The following MIER1 variants were observed in gnomAD, a reference collection of about 807,000 sequenced individuals.
The protein encoded by MIER1 is mesoderm induction early response protein 1.
MIER1 carries 40 observed loss-of-function variants against 75.7 expected under a neutral mutation model. The observed-to-expected ratio is 0.53, with a 90% CI of 0.41 to 0.69. The LOEUF is 0.69. Among genes scored for constraint, MIER1 ranks in the 30% least tolerant of loss-of-function variants. MIER1 has a pLI of 0.00. For missense variants in MIER1, 574 were observed against 680.2 expected, an observed-to-expected ratio of 0.84 and a Z score of 1.74; for synonymous variants, 213 against 223.4, an observed-to-expected ratio of 0.95 and a Z score of 0.42.
At chr1:66,940,149 C>T in intron 3 of MIER1, 97 bp downstream of exon 3, 1 of 857,042 alleles carries the variant, frequency 1.2e-6, no homozygotes, top group Non-Finnish European at 1.9e-6. Flanking sequence ...ATCTGACTTG[C>T]TTTTCTTCTG....
chr1:66,973,101 A>C (rs745977822), intron 11 of MIER1, 110 bp downstream of exon 11: 36 of 611,654 alleles, frequency 5.9e-5, no homozygotes, highest in Non-Finnish European at 8.5e-5. Context: ...CATAATTAAT[A>C]TGACAATATT....
intron 6 of MIER1, among the ~76,000 whole-genome samples, 163 bp from the exon 7 acceptor site, chr1:66,959,516 T>C (rs1048129148): frequency 6.6e-6 from 1 of 152,158 alleles, no homozygotes; most frequent in African/African-American, 2.4e-5. Context: ...GGTTTTGTTT[T>C]TTTAAGTGAT....
intron 5 of MIER1, 83 bp downstream of exon 5, chr1:66,958,303 C>A: frequency 3.8e-6 from 3 of 794,602 alleles, no homozygotes; most frequent in South Asian, 3.3e-5. Flanking sequence ...GATTACTTGT[C>A]TTTATAATCT....
intron 4 of MIER1, chr1:66,947,790 T>TA (rs772421796): frequency 3.2e-5 from 10 of 315,508 alleles, no homozygotes; most frequent in Admixed American, 6.5e-5. Flanking sequence ...AATGGCCTCT[T>TA]ACCCATGTAT....
chr1:66,925,323 TC>T (rs1254539037), intron 1 of MIER1: 1 of 985,384 alleles, frequency 1.0e-6, no homozygotes, highest in Non-Finnish European at 1.2e-6. Context: ...ATCGACTGCC[TC>T]CCAGCGCCGC....
chr1:66,968,351 C>G (rs1259794593), intron 8 of MIER1, among the ~76,000 whole-genome samples: 1 of 152,140 alleles, frequency 6.6e-6, no homozygotes, highest in African/African-American at 2.4e-5. Context: ...AGAAATAAAA[C>G]TTGTCAAAGG....
rs1309186620 is a variant in MIER1 at position 66,970,845 on chromosome 1, G to T, written c.810G>T (p.Glu270Asp). Residue 270 changes from glutamate to aspartate, a missense_variant, in exon 9 of 14, where the codon GAG becomes GAT. Coordinates refer to ENST00000401041, the MANE Select transcript of MIER1 (RefSeq NM_001077700.3). Reference protein sequence around the residue: ...ENDDQLLWDPEYLPEDKVIIF... With the variant: ...ENDDQLLWDPDYLPEDKVIIF... ...ATGATCAGCTCCTGTGGGACCCTGA[G>T]TACTTACCAGAAGATAAAGTGATTA... 1 of 1,587,266 alleles carries T rather than the reference G, an allele frequency of 6.3e-7. No homozygotes were observed. The highest frequency in any genetic ancestry group is 1.4e-5 in the African/African-American group (1 of 72,976).
chr1:66,929,761 C>G (rs746297817), intron 2 of MIER1, among the ~76,000 whole-genome samples: 20 of 152,162 alleles, frequency 1.3e-4, no homozygotes, highest in Non-Finnish European at 8.8e-5. Flanking sequence ...TCTGACCTCT[C>G]TAGAGATTTG....
At chr1:66,949,727 G>T (rs1481143609) in intron 4 of MIER1, among the ~76,000 whole-genome samples, 2 of 152,208 alleles carry the variant, frequency 1.3e-5, no homozygotes, top group Non-Finnish European at 2.9e-5. Context: ...ATAAGATTTT[G>T]TTGTGTTGAT....
At chr1:66,960,750 A>G (rs1661095830) in intron 7 of MIER1, among the ~76,000 whole-genome samples, 1 of 152,218 alleles carries the variant, frequency 6.6e-6, no homozygotes, top group African/African-American at 2.4e-5. Context: ...TAATTTGAGC[A>G]AATGATGGGA....
intron 5 of MIER1, 93 bp from the exon 6 acceptor site, chr1:66,958,758 C>A: frequency 2.0e-6 from 2 of 1,008,930 alleles, no homozygotes; most frequent in South Asian, 3.6e-5. Flanking sequence ...TTTTAGTCTT[C>A]TGCATATATT....
chr1:66,940,098 T>C (rs1395450068), intron 3 of MIER1, 46 bp downstream of exon 3: 1 of 1,430,072 alleles, frequency 7.0e-7, no homozygotes, highest in Admixed American at 1.7e-5. Flanking sequence ...GAGTAACATT[T>C]GTCCTACTAG....
chr1:66,984,170 C>T (rs1666445462), intron 13 of MIER1, among the ~76,000 whole-genome samples: 1 of 152,166 alleles, frequency 6.6e-6, no homozygotes, highest in South Asian at 2.1e-4. Context: ...ATGTTGAAAA[C>T]CTTTTGTTAA....
chr1:66,954,879 T>G (rs193181765), intron 4 of MIER1, among the ~76,000 whole-genome samples: 1 of 151,996 alleles, frequency 6.6e-6, no homozygotes, highest in African/African-American at 2.4e-5. Flanking sequence ...GCTAATTGTT[T>G]TGTAATTTTA....
At chr1:66,962,369 AC>A (rs1156320812) in intron 7 of MIER1, among the ~76,000 whole-genome samples, 1 of 151,986 alleles carries the variant, frequency 6.6e-6, no homozygotes, top group African/African-American at 2.4e-5. Flanking sequence ...CTTTATACAA[AC>A]CCTTTTTGTT....
In MIER1 at chr1:66,984,862, C is replaced by G; in HGVS notation, c.1660C>G (p.His554Asp). 1 of 1,597,700 alleles carries G rather than the reference C, an allele frequency of 6.3e-7. No individual in the cohort carries two copies. The highest frequency in any genetic ancestry group is 8.5e-7 in the Non-Finnish European group (1 of 1,175,516). The change falls in exon 14 of 14, where the codon CAT (histidine) becomes GAT (aspartate). Residue 554 changes from histidine (H) to aspartate (D), a missense_variant. Physicochemically the swap from His to Asp is moderately conservative, Grantham distance 81 (BLOSUM62 -1). Around this residue, in one of 3 missense-constraint regions of MIER1, gnomAD observed 164 missense variants for 154.3 expected, o/e 1.06. Transcript: ENST00000401041. Reference sequence around the variant, plus strand: ...TGAATTTTTCCAAGAAGCAGTCTCACATGGGAAATTTGAAGAACTTGAAAA... The same window carrying G: ...TGAATTTTTCCAAGAAGCAGTCTCAGATGGGAAATTTGAAGAACTTGAAAA... ...SSEFFQEAVS[H>D]GKFEELENTD...
At chr1:66,964,049 TC>T (rs1661811678) in intron 8 of MIER1, among the ~76,000 whole-genome samples, 1 of 152,072 alleles carries the variant, frequency 6.6e-6, no homozygotes, top group South Asian at 2.1e-4. Context: ...AAGTCATACT[TC>T]CAATAACATA....
In MIER1 at chr1:66,959,743, G is replaced by T; in HGVS notation, c.699G>T (p.Lys233Asn). The T allele has an allele frequency of 7.2e-7, 1 of 1,385,076 alleles. No individual in the cohort carries two copies. The highest frequency in any genetic ancestry group is 9.7e-7 in the Non-Finnish European group (1 of 1,034,042). The allele number at this position is 1,385,076 out of a possible 1,614,324, so 85.8% of individuals were successfully genotyped here. The change falls in exon 7 of 14, where the codon AAG (lysine) becomes AAT (asparagine). Residue 233 changes from lysine (K) to asparagine (N), a missense_variant and splice_region_variant. Transcript: ENST00000401041. ...ATATTCCATCAGAAGACTGGAAAAA[G>T]GTAGTTAGAACAATATTTTCCCAAA... ...EDYIPSEDWK[K>N]EIMVGSMFQA...
chr1:66,973,047 G>T, intron 11 of MIER1, 56 bp downstream of exon 11: 1 of 889,520 alleles, frequency 1.1e-6, no homozygotes, highest in South Asian at 1.4e-5. Flanking sequence ...CAACTCAAAT[G>T]GTCATGTATC....
Sources: gnomAD v4.1 joint callset for allele counts (sites outside exome capture counted in the v4.1 genomes callset) on GRCh38, gnomAD v4.1.1 for gene constraint, gnomAD v4.1.1 regional missense constraint, MANE v1.5 for transcripts, NCBI Gene and HGNC (gene_info 2026-07-23, HGNC 2026-07-21) for gene names.